Variants in RSPO2 observed in about 807,000 individuals in gnomAD.
RSPO2 encodes the protein R-spondin-2.
In RSPO2, 14 loss-of-function variants were observed where a neutral mutation model predicts 30.9. The observed-to-expected ratio is 0.45, with a 90% CI of 0.30 to 0.71. The LOEUF is 0.71. Among genes scored for constraint, RSPO2 ranks in the 30% least tolerant of loss-of-function variants. RSPO2 has a pLI of 0.08. For synonymous variants in RSPO2, 107 were observed against 96.4 expected (o/e 1.11, Z -0.64); for missense variants, 264 against 301.9 (o/e 0.87, Z 0.93).
At chr8:108,036,120 A>G (rs770941256) in intron 2 of RSPO2, among the ~76,000 whole-genome samples, 6 of 152,174 alleles carry the variant, frequency 3.9e-5, no homozygotes, top group African/African-American at 1.2e-4. Context: ...GTAAACTAAT[A>G]CAGGTGATTT....
At chr8:108,010,749 C>T (rs1810678150) in intron 2 of RSPO2, among the ~76,000 whole-genome samples, 1 of 152,118 alleles carries the variant, frequency 6.6e-6, no homozygotes, top group African/African-American at 2.4e-5. Context: ...TTTCCCTCCC[C>T]TGGCAAACCT....
At position 107,899,987 on chromosome 8, in the gene RSPO2, G is replaced by A. The variant is rs1300526861; in HGVS notation, c.*1088C>T. On this transcript the variant is annotated 3_prime_UTR_variant, in exon 6 of 6. Transcript: ENST00000276659. ...CAGTGACCCAAGAACATTGGTAGGT[G>A]CCTTGTCATTTAAAGCCAGGGATTG... The A allele has an allele frequency of 6.6e-6, 1 of 152,162 alleles. No individual in the cohort carries two copies. Among genetic ancestry groups the A allele is most frequent in the Non-Finnish European group, 1.5e-5 (1 of 68,038 alleles). The allele number at this position is 152,162 out of a possible 1,614,324, so 9.4% of individuals were successfully genotyped here. A position where few individuals can be genotyped will look rare whatever the true frequency, so the allele number is the denominator to read the frequency against.
chr8:107,945,044 T>C (rs150126448), intron 5 of RSPO2, among the ~76,000 whole-genome samples: 9 of 152,090 alleles, frequency 5.9e-5, no homozygotes, highest in Non-Finnish European at 1.3e-4. Context: ...GAATTACTAA[T>C]ATATAATGGT....
chr8:107,945,304 A>C (rs900663627), intron 5 of RSPO2, among the ~76,000 whole-genome samples: 30 of 121,776 alleles, frequency 2.5e-4, no homozygotes, highest in African/African-American at 9.1e-4. Context: ...GCTGGAGTGC[A>C]GTGGCGCGAT....
intron 5 of RSPO2, among the ~76,000 whole-genome samples, chr8:107,940,007 T>G (rs184983151): frequency 6.6e-6 from 1 of 152,194 alleles, no homozygotes; most frequent in East Asian, 1.9e-4. Flanking sequence ...GAACATAGCT[T>G]CTTCAAAGTT....
chr8:107,938,681 C>T (rs1812794860), intron 5 of RSPO2, among the ~76,000 whole-genome samples: 1 of 152,160 alleles, frequency 6.6e-6, no homozygotes, highest in Non-Finnish European at 1.5e-5. Context: ...ACAGATGTGC[C>T]TTTGCACCAA....
chr8:107,952,297 A>G (rs200678876), intron 5 of RSPO2, among the ~76,000 whole-genome samples: 1 of 45,218 alleles, frequency 2.2e-5, no homozygotes, highest in Admixed American at 3.6e-4. Context: ...ATGCACACAC[A>G]CACACACACA....
intron 5 of RSPO2, among the ~76,000 whole-genome samples, chr8:107,915,839 A>G (rs553065736): frequency 6.0e-4 from 91 of 152,296 alleles, no homozygotes; most frequent in Non-Finnish European, 1.2e-3. Flanking sequence ...ATTGGGAAAC[A>G]TCTTGCAAAA....
chr8:107,983,174 GT>G, intron 3 of RSPO2: 1 of 1,545,032 alleles, frequency 6.5e-7, no homozygotes, highest in Non-Finnish European at 8.8e-7. Context: ...TGAGCAGACC[GT>G]TTATTAGCTG....
At chr8:108,011,327 A>T (rs191538425) in intron 2 of RSPO2, among the ~76,000 whole-genome samples, 164 of 152,104 alleles carry the variant, frequency 1.1e-3, no homozygotes, top group African/African-American at 3.5e-3. Context: ...ACACACAAAA[A>T]ATCGTAAATT....
At chr8:108,016,837 A>G (rs1299742080) in intron 2 of RSPO2, among the ~76,000 whole-genome samples, 3 of 152,008 alleles carry the variant, frequency 2.0e-5, no homozygotes, top group South Asian at 2.1e-4. Flanking sequence ...TGCTCTGGCC[A>G]TGTGATGTAC....
At chr8:108,050,250 C>T (rs528671673) in intron 2 of RSPO2, among the ~76,000 whole-genome samples, 1 of 152,168 alleles carries the variant, frequency 6.6e-6, no homozygotes, top group African/African-American at 2.4e-5. Context: ...AAAAAGCCTC[C>T]CAGTGAAAGT....
At chr8:108,016,757 G>C (rs568976251) in intron 2 of RSPO2, among the ~76,000 whole-genome samples, 83 of 152,168 alleles carry the variant, frequency 5.5e-4, no homozygotes, top group Non-Finnish European at 1.0e-3. Flanking sequence ...AGCTGTCCTG[G>C]CAATAAGTTC....
At chr8:107,925,663 T>A (rs1812342590) in intron 5 of RSPO2, among the ~76,000 whole-genome samples, 1 of 152,118 alleles carries the variant, frequency 6.6e-6, no homozygotes, top group Admixed American at 6.6e-5. Flanking sequence ...TGTTTGGTTT[T>A]TTGTCCTTGC....
At chr8:107,931,397 C>T (rs187499280) in intron 5 of RSPO2, among the ~76,000 whole-genome samples, 96 of 152,220 alleles carry the variant, frequency 6.3e-4, no homozygotes, top group Non-Finnish European at 5.9e-5. Context: ...TTGACAGAAG[C>T]CCCCTTTATT....
At chr8:107,909,529 T>C (rs547712554) in intron 5 of RSPO2, among the ~76,000 whole-genome samples, 8 of 152,228 alleles carry the variant, frequency 5.3e-5, no homozygotes, top group African/African-American at 1.9e-4. Flanking sequence ...AGTACAGGCA[T>C]GAACCACCAT....
chr8:107,939,478 C>CTT (rs10558817), intron 5 of RSPO2, among the ~76,000 whole-genome samples: 13 of 140,486 alleles, frequency 9.3e-5, no homozygotes, highest in Non-Finnish European at 1.2e-4. Flanking sequence ...ATTAAATTAT[C>CTT]TTTTTTTTTT....
At chr8:107,959,900 A>C (rs1208115638) in intron 4 of RSPO2, among the ~76,000 whole-genome samples, 1 of 152,200 alleles carries the variant, frequency 6.6e-6, no homozygotes, top group African/African-American at 2.4e-5. Context: ...TTTTCTTCTA[A>C]GTCTCCATTT....
Position 107,899,423 on chromosome 8 carries a change from T to C in RSPO2, c.*1652A>G, listed in dbSNP as rs1020868843. 1.3e-5 allele frequency: 2 copies of C among 151,438 alleles called. No homozygotes were observed. The highest frequency in any genetic ancestry group is 4.8e-5 in the African/African-American group (2 of 41,362). 9.4% of individuals were successfully genotyped at this position (151,438 alleles called of 1,614,324 possible). A position where few individuals can be genotyped will look rare whatever the true frequency, so the allele number is the denominator to read the frequency against. On this transcript the variant is annotated 3_prime_UTR_variant, in exon 6 of 6. Coordinates refer to ENST00000276659, the MANE Select transcript of RSPO2 (RefSeq NM_178565.5). Reference sequence around the variant, plus strand: ...GGAGACCCCCTCCCCACTTAGTAAATGGGAAAATAGTGTAAATAGACATGA... The same window carrying C: ...GGAGACCCCCTCCCCACTTAGTAAACGGGAAAATAGTGTAAATAGACATGA...
Sources: gnomAD v4.1 joint callset for allele counts (sites outside exome capture counted in the v4.1 genomes callset) on GRCh38, gnomAD v4.1.1 for gene constraint, MANE v1.5 for transcripts, NCBI Gene and HGNC (gene_info 2026-07-23, HGNC 2026-07-21) for gene names.